The following AAMDC variants were observed in gnomAD, a reference collection of about 807,000 sequenced individuals.
AAMDC encodes the protein adipogenesis associated Mth938 domain containing, also known as mth938 domain-containing protein.
A neutral mutation model predicts 15.5 loss-of-function variants in AAMDC; 16 were observed. The observed-to-expected ratio is 1.03, with a 90% CI of 0.70 to 1.57. The LOEUF is 1.57. AAMDC is among the 40% of genes most tolerant of loss of function. The probability of loss-of-function intolerance (pLI) is 0.00; values close to 1 mark genes in which losing one functional copy is unlikely to be tolerated. For synonymous variants in AAMDC, 51 were observed against 51.6 expected (o/e 0.99, Z 0.05); for missense variants, 141 against 144.9 (o/e 0.97, Z 0.14).
In AAMDC at chr11:77,896,521, G is replaced by A. The variant is rs1952525504; in HGVS notation, c.329-4050G>A. Among the ~76,000 whole-genome samples, 4 of 152,080 alleles carry A rather than the reference G, an allele frequency of 2.6e-5. No individual in the cohort carries two copies. In the South Asian group the frequency reaches 6.3e-4, roughly 24 times the overall value. ...TACAAAATTAGCCGGGTACAGTGGC[G>A]CATGCCTGTAATCCCAGCTACTTGG... is the stretch of plus-strand genomic sequence containing the variant. On this transcript the variant is annotated intron_variant, in intron 5 of 5. Coordinates refer to the AAMDC transcript ENST00000304716.
chr11:77,857,749 G>A (rs867263079), intron 2 of AAMDC, among the ~76,000 whole-genome samples: 1 of 150,024 alleles, frequency 6.7e-6, no homozygotes, highest in African/African-American at 2.4e-5. Context: ...CAGGCTGGAG[G>A]GCATTGGCGT....
intron 2 of AAMDC, among the ~76,000 whole-genome samples, chr11:77,858,194 ATT>A (rs71046920): frequency 0.3 from 38,938 of 130,710 alleles, 6,016 homozygotes; most frequent in African/African-American, 0.45. Context: ...AATATATATA[ATT>A]TTTTTTTTTT....
intron 5 of AAMDC, among the ~76,000 whole-genome samples, chr11:77,883,308 A>G (rs695046): frequency 0.2 from 30,875 of 152,064 alleles, 3,196 homozygotes; most frequent in Middle Eastern, 0.24. Flanking sequence ...AGTTTTTTAA[A>G]GCAGGCTTAC....
rs976641586 is a variant in AAMDC at position 77,838,852 on chromosome 11, G to A, written c.-18-3627G>A. Among the ~76,000 whole-genome samples the A allele has an allele frequency of 2.6e-5, 4 of 152,002 alleles. No homozygotes were observed. The East Asian group carries it at 5.8e-4, about 22-fold the overall frequency. ...AGGATGGTCTCAATCTCCTGACCTC[G>A]TGATCCGCCCACCTGGGCCTCCCAA... On this transcript the variant is annotated intron_variant, in intron 1 of 3. Coordinates refer to ENST00000393427, the MANE Select transcript of AAMDC (RefSeq NM_024684.4).
At chr11:77,857,204 C>T (rs1171776295) in intron 2 of AAMDC, among the ~76,000 whole-genome samples, 3 of 152,064 alleles carry the variant, frequency 2.0e-5, no homozygotes, top group African/African-American at 4.8e-5. Flanking sequence ...GGTAGATGAA[C>T]CAAGAGAGGT....
intron 5 of AAMDC, among the ~76,000 whole-genome samples, chr11:77,878,159 A>G (rs183874503): frequency 0.017 from 2,623 of 152,106 alleles, 58 homozygotes; most frequent in African/African-American, 0.051. Flanking sequence ...TCAGGAGATC[A>G]AGACCATCCT....
chr11:77,905,724 C>T (rs1215559972), downstream of AAMDC, among the ~76,000 whole-genome samples: 1 of 152,210 alleles, frequency 6.6e-6, no homozygotes, highest in Admixed American at 6.5e-5. Context: ...CCATCAATCT[C>T]GTCAAAAGAC....
intron 2 of AAMDC, among the ~76,000 whole-genome samples, chr11:77,849,667 C>A (rs751413168): frequency 1.3e-5 from 2 of 152,130 alleles, no homozygotes; most frequent in Admixed American, 6.5e-5. Flanking sequence ...TTATGCAGTT[C>A]CAAGTTATCC....
rs1427091837 is a variant in AAMDC, at chr11:77,869,828, G to A, written c.228+11G>A. On this transcript the variant is annotated intron_variant, in intron 3 of 3. Transcript: ENST00000393427. ...AGTGAGGCCTTGAAGGTAGGTGTTG[G>A]TATGCACAGCATTCCTGAGGACAGG... The A allele has an allele frequency of 6.2e-7, 1 of 1,612,062 alleles. No individual in the cohort carries two copies. Among genetic ancestry groups the A allele is most frequent in the South Asian group, 1.1e-5 (1 of 91,024 alleles).
chr11:77,848,577 C>G (rs1052604346), intron 2 of AAMDC, among the ~76,000 whole-genome samples: 1 of 152,156 alleles, frequency 6.6e-6, no homozygotes, highest in Non-Finnish European at 1.5e-5. Flanking sequence ...CCAGGTTGGT[C>G]TCGAACGCCT....
At chr11:77,856,355 A>C (rs1950622039) in intron 2 of AAMDC, among the ~76,000 whole-genome samples, 1 of 152,148 alleles carries the variant, frequency 6.6e-6, no homozygotes, top group African/African-American at 2.4e-5. Flanking sequence ...GGTCTCTAGG[A>C]ATTTCCAAAT....
chr11:77,875,535 C>T (rs1035552110), downstream of AAMDC, among the ~76,000 whole-genome samples: 3 of 152,106 alleles, frequency 2.0e-5, no homozygotes, highest in African/African-American at 7.2e-5. Flanking sequence ...GGAATAGCAC[C>T]GCCTTCTCCA....
At chr11:77,880,680 G>C (rs186276526) in intron 5 of AAMDC, among the ~76,000 whole-genome samples, 1 of 152,288 alleles carries the variant, frequency 6.6e-6, no homozygotes, top group East Asian at 1.9e-4. Context: ...CCTGGTAAGA[G>C]CTGGATAAGG....
At chr11:77,824,079 A>G (rs1343132938) in intron 1 of AAMDC, among the ~76,000 whole-genome samples, 1 of 152,234 alleles carries the variant, frequency 6.6e-6, no homozygotes, top group Non-Finnish European at 1.5e-5. Flanking sequence ...ACCCAAAGAT[A>G]AGAAGTGTTT....
intron 1 of AAMDC, among the ~76,000 whole-genome samples, chr11:77,825,451 T>C (rs1949125367): frequency 6.6e-6 from 1 of 152,158 alleles, no homozygotes; most frequent in African/African-American, 2.4e-5. Context: ...TCAAAAAAGC[T>C]GAAGGTATAT....
downstream of AAMDC, chr11:77,903,393 G>A: frequency 6.2e-7 from 1 of 1,601,658 alleles, no homozygotes; most frequent in Admixed American, 1.7e-5. Context: ...AAATCACTCT[G>A]CTTCAAATAC....
chr11:77,821,747 T>C (rs768317549), intron 1 of AAMDC, among the ~76,000 whole-genome samples: 5 of 152,016 alleles, frequency 3.3e-5, no homozygotes, highest in Admixed American at 6.6e-5. Context: ...CAGTGAACAT[T>C]CCCACAAAGA....
chr11:77,838,099 G>A (rs1445121430), intron 1 of AAMDC, among the ~76,000 whole-genome samples: 1 of 151,986 alleles, frequency 6.6e-6, no homozygotes, highest in Non-Finnish European at 1.5e-5. Flanking sequence ...AGTTGAACTT[G>A]CAAAAATGGG....
At chr11:77,837,499 G>C (rs1426030691) in intron 1 of AAMDC, among the ~76,000 whole-genome samples, 1 of 152,086 alleles carries the variant, frequency 6.6e-6, no homozygotes, top group Non-Finnish European at 1.5e-5. Context: ...CTGTCACCCA[G>C]GCTGGAGTGC....
Sources: allele counts gnomAD v4.1 joint callset (sites outside exome capture counted in the v4.1 genomes callset), GRCh38; gene constraint gnomAD v4.1.1; transcripts MANE v1.5; gene names NCBI Gene and HGNC (gene_info 2026-07-23, HGNC 2026-07-21).